Variants in RBFOX1 observed in about 807,000 individuals in gnomAD.
The protein encoded by RBFOX1 is RNA binding fox-1 homolog 1.
RBFOX1 carries 8 observed loss-of-function variants against 57.7 expected under a neutral mutation model. That is an observed-to-expected ratio of 0.14 (90% CI 0.08 to 0.25). RBFOX1 has a LOEUF of 0.25. RBFOX1 is among the 10% of genes least tolerant of loss of function. The pLI is 1.00. For synonymous variants in RBFOX1, 326 were observed against 222.4 expected (o/e 1.47, Z -4.15); for missense variants, 611 against 548.5 (o/e 1.11, Z -1.14).
intron 4 of RBFOX1, among the ~76,000 whole-genome samples, chr16:7,482,828 C>G (rs1382305362): frequency 6.6e-6 from 1 of 152,112 alleles, no homozygotes; most frequent in Non-Finnish European, 1.5e-5. Context: ...GATGTTCTGT[C>G]CCCAAATCCT....
intron 3 of RBFOX1, among the ~76,000 whole-genome samples, chr16:6,756,362 A>C (rs778915770): frequency 6.6e-6 from 1 of 152,190 alleles, no homozygotes; most frequent in Non-Finnish European, 1.5e-5. Flanking sequence ...CTATAAAACT[A>C]CTAGAAGTAA....
intron 4 of RBFOX1, among the ~76,000 whole-genome samples, chr16:7,348,039 C>T (rs1568340457): frequency 2.0e-5 from 3 of 152,204 alleles, no homozygotes; most frequent in South Asian, 4.1e-4. Context: ...GATTTAAGCT[C>T]GTTGCCTCCT....
chr16:6,404,987 C>T (rs574937185), intron 2 of RBFOX1, among the ~76,000 whole-genome samples: 3 of 152,266 alleles, frequency 2.0e-5, no homozygotes, highest in Non-Finnish European at 2.9e-5. Flanking sequence ...TTTAGAACTT[C>T]GAACTAATTC....
chr16:6,533,442 C>G (rs1280504234), intron 2 of RBFOX1, among the ~76,000 whole-genome samples: 2 of 152,084 alleles, frequency 1.3e-5, no homozygotes, highest in Non-Finnish European at 2.9e-5. Flanking sequence ...CGTGGCACCA[C>G]CAGCATCCAT....
chr16:5,822,780 G>A (rs1161033403), intron 3 of RBFOX1, among the ~76,000 whole-genome samples: 1 of 152,198 alleles, frequency 6.6e-6, no homozygotes, highest in East Asian at 1.9e-4. Context: ...TTGTTGTCAT[G>A]GTTAAGTGCA....
chr16:6,072,175 A>T (rs950360443), intron 1 of RBFOX1, among the ~76,000 whole-genome samples: 3 of 152,104 alleles, frequency 2.0e-5, no homozygotes, highest in Admixed American at 6.6e-5. Flanking sequence ...CCTTTATAAC[A>T]TCATCATCTC....
chr16:5,467,073 A>G, intron 1 of RBFOX1: 1 of 996,022 alleles, frequency 1.0e-6, no homozygotes, highest in South Asian at 1.8e-5. Context: ...CATGTTAGGC[A>G]TTTAATGGAC....
chr16:7,694,280 G>C (rs1476047087), intron 14 of RBFOX1, among the ~76,000 whole-genome samples: 1 of 152,264 alleles, frequency 6.6e-6, no homozygotes, highest in Non-Finnish European at 1.5e-5. Flanking sequence ...ACATTAAACT[G>C]AACCTTACAA....
chr16:5,291,195 A>C (rs899828773), intron 1 of RBFOX1, among the ~76,000 whole-genome samples: 7 of 152,028 alleles, frequency 4.6e-5, no homozygotes, highest in Non-Finnish European at 8.8e-5. Context: ...CACTGGTGAA[A>C]TAAAGGGCTG....
intron 4 of RBFOX1, among the ~76,000 whole-genome samples, chr16:5,980,466 C>T (rs2060150104): frequency 6.6e-6 from 1 of 152,162 alleles, no homozygotes; most frequent in Admixed American, 6.5e-5. Context: ...CGCTCTGGCC[C>T]TGGGCAGACA....
intron 3 of RBFOX1, among the ~76,000 whole-genome samples, chr16:6,779,106 A>C (rs1170559046): frequency 6.6e-6 from 1 of 151,954 alleles, no homozygotes; most frequent in Non-Finnish European, 1.5e-5. Flanking sequence ...ACTGGATCTT[A>C]TGTCTTTTAT....
chr16:5,288,636 T>TC (rs1354706325), intron 1 of RBFOX1, among the ~76,000 whole-genome samples: 10 of 147,072 alleles, frequency 6.8e-5, no homozygotes, highest in Admixed American at 1.3e-4. Flanking sequence ...CCTTTTCTTT[T>TC]TTTTTTTAAC....
chr16:6,500,907 T>C (rs2095897643), intron 2 of RBFOX1, among the ~76,000 whole-genome samples: 1 of 90,952 alleles, frequency 1.1e-5, no homozygotes, highest in Non-Finnish European at 2.7e-5. Context: ...TTTTTAATGC[T>C]GAGACATCCT....
At chr16:7,332,146 C>T (rs945502130) in intron 4 of RBFOX1, among the ~76,000 whole-genome samples, 1 of 152,174 alleles carries the variant, frequency 6.6e-6, no homozygotes, top group African/African-American at 2.4e-5. Context: ...GGTTAGGAAT[C>T]GGGCTCTGGA....
intron 3 of RBFOX1, among the ~76,000 whole-genome samples, chr16:6,861,427 A>T (rs2058973870): frequency 6.6e-6 from 1 of 151,902 alleles, no homozygotes; most frequent in South Asian, 2.1e-4. Context: ...ATCAATGTAA[A>T]CTGCTAATTG....
intron 3 of RBFOX1, among the ~76,000 whole-genome samples, chr16:6,967,327 C>G (rs1359724661): frequency 1.3e-5 from 2 of 152,152 alleles, no homozygotes; most frequent in Admixed American, 6.5e-5. Context: ...ATACATCCAT[C>G]CATCTACCAG....
chr16:6,396,031 A>G (rs1024493873), intron 2 of RBFOX1, among the ~76,000 whole-genome samples: 1 of 139,728 alleles, frequency 7.2e-6, no homozygotes, highest in African/African-American at 2.8e-5. Context: ...GCACCAATGC[A>G]CTGCAGCCTG....
At chr16:6,673,745 A>T (rs527261950) in intron 3 of RBFOX1, among the ~76,000 whole-genome samples, 2 of 152,208 alleles carry the variant, frequency 1.3e-5, no homozygotes, top group Non-Finnish European at 2.9e-5. Context: ...GCAAGGACAG[A>T]AATGTATCAT....
chr16:6,359,732 G>T, intron 2 of RBFOX1, among the ~76,000 whole-genome samples: 1 of 152,084 alleles, frequency 6.6e-6, no homozygotes, highest in East Asian at 1.9e-4. Context: ...GGGATCAGGC[G>T]TGTATATAAG....
Sources: gnomAD v4.1 joint callset for allele counts (sites outside exome capture counted in the v4.1 genomes callset) on GRCh38, gnomAD v4.1.1 for gene constraint, MANE v1.5 for transcripts, NCBI Gene and HGNC (gene_info 2026-07-23, HGNC 2026-07-21) for gene names.